Variants in LMF1 observed in about 807,000 individuals in gnomAD.
LMF1 encodes the protein lipase maturation factor 1.
A neutral mutation model predicts 60.6 loss-of-function variants in LMF1; 68 were observed. The observed-to-expected ratio is 1.12, with a 90% CI of 0.92 to 1.37. The LOEUF (loss-of-function observed/expected upper bound fraction) is 1.37. Among genes scored for constraint, LMF1 ranks in the 40% most tolerant of loss-of-function variants. The pLI, the probability that LMF1 is intolerant of heterozygous loss-of-function variation, is 0.00. For missense variants in LMF1, 948 were observed against 767.2 expected, an observed-to-expected ratio of 1.24 and a Z score of -2.78; for synonymous variants, 418 against 324.7, an observed-to-expected ratio of 1.29 and a Z score of -3.09.
At chr16:914,690 T>C (rs1223844479) in intron 3 of LMF1, among the ~76,000 whole-genome samples, 1 of 7,768 alleles carries the variant, frequency 1.3e-4, no homozygotes. Flanking sequence ...CCATGACCAT[T>C]GGTGACACAC....
chr16:945,136 AG>A (rs2072205415), intron 2 of LMF1, among the ~76,000 whole-genome samples: 1 of 143,340 alleles, frequency 7.0e-6, no homozygotes, highest in Non-Finnish European at 1.5e-5. Context: ...GCTTCAACCC[AG>A]GAAGTGGAGG....
At chr16:959,588 G>C (rs892958892) in intron 1 of LMF1, among the ~76,000 whole-genome samples, 15 of 152,240 alleles carry the variant, frequency 9.9e-5, no homozygotes, top group African/African-American at 3.1e-4. Context: ...CCACACGCAC[G>C]GATGTGAAAC....
chr16:904,491 C>CTGTGGGGA (rs1479812692), intron 4 of LMF1, among the ~76,000 whole-genome samples: 18 of 80,186 alleles, frequency 2.2e-4, no homozygotes, highest in African/African-American at 7.9e-4. Flanking sequence ...TCTGCACCGC[C>CTGTGGGGA]CACAGGACGC....
At chr16:960,050 G>C (rs1308498136) in intron 1 of LMF1, among the ~76,000 whole-genome samples, 1 of 152,222 alleles carries the variant, frequency 6.6e-6, no homozygotes, top group Non-Finnish European at 1.5e-5. Context: ...CCCAGGAAGA[G>C]GGCCAGCAGC....
intron 10 of LMF1, among the ~76,000 whole-genome samples, chr16:859,116 C>T (rs535797439): frequency 9.5e-5 from 12 of 126,488 alleles, no homozygotes; most frequent in South Asian, 5.5e-4. Flanking sequence ...AGTGATGTCT[C>T]GGGACGGGTG....
intron 1 of LMF1, among the ~76,000 whole-genome samples, chr16:969,264 G>A (rs1208523989): frequency 1.3e-5 from 2 of 152,098 alleles, no homozygotes; most frequent in African/African-American, 2.4e-5. Flanking sequence ...GCAGTGGGCC[G>A]ACATGGTGCC....
Position 955,096 on chromosome 16 carries a change from G to A in LMF1, c.194-430C>T, listed in dbSNP as rs564934060. Among the ~76,000 whole-genome samples, 10 of 149,086 alleles carry A rather than the reference G, an allele frequency of 6.7e-5. 1 individual carries two copies. In the South Asian group the frequency reaches 1.9e-3, roughly 29 times the overall value. On this transcript the variant is annotated intron_variant, in intron 1 of 10. Coordinates refer to ENST00000262301, the MANE Select transcript of LMF1 (RefSeq NM_022773.4). ...AAAATGCGTGCCCGCAGCAGACGCG[G>A]TGTGTGCACACACACACACACATCT...
At chr16:888,856 G>A (rs539309505) in intron 5 of LMF1, among the ~76,000 whole-genome samples, 1 of 152,338 alleles carries the variant, frequency 6.6e-6, no homozygotes, top group South Asian at 2.1e-4. Flanking sequence ...GTGGGCAGCA[G>A]GGCCAGCCAG....
chr16:917,338 A>C (rs76560607), intron 3 of LMF1, among the ~76,000 whole-genome samples: 1 of 75,804 alleles, frequency 1.3e-5, no homozygotes, highest in Non-Finnish European at 2.4e-5. Context: ...ACATGTGTGC[A>C]CTGCGGGTGG....
chr16:879,669 C>G lies in LMF1; in HGVS notation c.798G>C (p.Glu266Asp), dbSNP rs1441111300. The G allele has an allele frequency of 6.2e-7, 1 of 1,611,218 alleles. No individual in the cohort carries two copies. The highest frequency in any genetic ancestry group is 8.5e-7 in the Non-Finnish European group (1 of 1,178,952). Residue 266 changes from glutamate (E) to aspartate (D), a missense_variant, in exon 6 of 11, where the codon GAG becomes GAC. Physicochemically the swap from Glu to Asp is conservative, Grantham distance 45. Coordinates refer to ENST00000262301, the MANE Select transcript of LMF1 (RefSeq NM_022773.4). ...GCTCGATGAAGTGGTTGCTGAGCGT[C>G]TCGAAGCGATGGAACCACCAGGGTG... ...HHSPWWFHRF[E>D]TLSNHFIELL...
intron 2 of LMF1, among the ~76,000 whole-genome samples, chr16:952,970 C>CACT (rs2072526118): frequency 3.8e-5 from 2 of 53,118 alleles, no homozygotes; most frequent in Non-Finnish European, 6.4e-5. Flanking sequence ...CACAGACACC[C>CACT]CAAACCAGCC....
chr16:912,439 C>G (rs1477411644), intron 3 of LMF1, among the ~76,000 whole-genome samples: 1 of 152,226 alleles, frequency 6.6e-6, no homozygotes, highest in African/African-American at 2.4e-5. Context: ...CGTGAAGAGG[C>G]TGCTACAGCA....
intron 2 of LMF1, 170 bp from the exon 3 acceptor site, chr16:934,424 C>A: frequency 1.4e-6 from 1 of 728,868 alleles, no homozygotes; most frequent in Admixed American, 2.3e-5. Flanking sequence ...GAGCCCCTCC[C>A]CACGGCTCAC....
rs757412243 is a variant in LMF1 at position 869,011 on chromosome 16, G to A, written c.1462C>T (p.Leu488=). 11 of 1,612,586 alleles carry A rather than the reference G, an allele frequency of 6.8e-6. No individual in the cohort carries two copies. The highest frequency in any genetic ancestry group is 1.6e-4 in the Middle Eastern group (1 of 6,066). Residue 488 remains leucine, a synonymous_variant, in exon 10 of 11, where the codon CTG becomes TTG. Coordinates refer to ENST00000262301, the MANE Select transcript of LMF1 (RefSeq NM_022773.4). ...GACAAGGCCTCGGCGTCGCTGGCCA[G>A]GAGCTTGCCAGCCAGGTGGATGATC... ...DWIIHLAGKL[L]ASDAEALSLL...
At chr16:866,522 C>T (rs747002831) in intron 10 of LMF1, among the ~76,000 whole-genome samples, 2 of 152,034 alleles carry the variant, frequency 1.3e-5, no homozygotes, top group Non-Finnish European at 1.5e-5. Context: ...CCAGGCTCCT[C>T]GTGTGGTCTC....
chr16:897,989 G>A lies in LMF1; in HGVS notation c.664-4917C>T, dbSNP rs2070710444. 6.6e-6 allele frequency among the ~76,000 whole-genome samples: 1 copy of A among 152,220 alleles called. No individual in the cohort carries two copies. The highest frequency in any genetic ancestry group is 1.5e-5 in the Non-Finnish European group (1 of 68,044). The stretch of plus-strand genomic sequence containing the variant: ...GGCAGGCATCCTCTGCGTGGTGGGC[G>A]CCTTCTGCGTGGCGGGCGTCCTCTG... On this transcript the variant is annotated intron_variant, in intron 4 of 10. Transcript: ENST00000262301. This position sits in a 1 kb window ranked among gnomAD's most constrained non-coding sequence, Gnocchi z 4.3.
chr16:910,720 C>T (rs2071085172), intron 4 of LMF1, among the ~76,000 whole-genome samples: 1 of 152,164 alleles, frequency 6.6e-6, no homozygotes, highest in African/African-American at 2.4e-5. Context: ...AAACAGGGAT[C>T]ATGAGCATGC....
rs2069909047 is a variant in LMF1 at position 874,439 on chromosome 16, T to C, written c.898-3098A>G. On this transcript the variant is annotated intron_variant, in intron 6 of 10. Coordinates refer to ENST00000262301, the MANE Select transcript of LMF1 (RefSeq NM_022773.4). The surrounding 1 kb of genome is among the most constrained non-coding windows in gnomAD (Gnocchi z 4.1). ...AGCTCACCCCCTGCCCCTCCCGCCC[T>C]GGCAGTCCGGGGCTGCGTCTCCCTG... Among the ~76,000 whole-genome samples the C allele has an allele frequency of 6.6e-6, 1 of 152,116 alleles. No homozygotes were observed. The highest frequency in any genetic ancestry group is 1.5e-5 in the Non-Finnish European group (1 of 68,010).
chr16:974,009 CAA>C (rs34433197), upstream of LMF1, among the ~76,000 whole-genome samples: 217 of 85,794 alleles, frequency 2.5e-3, no homozygotes, highest in African/African-American at 7.7e-3. Context: ...GACTCTGTCT[CAA>C]AAAAAAAAAA....
Sources: allele counts gnomAD v4.1 joint callset (sites outside exome capture counted in the v4.1 genomes callset), GRCh38; gene constraint gnomAD v4.1.1; non-coding constraint Gnocchi (gnomAD v3.1); transcripts MANE v1.5; gene names NCBI Gene and HGNC (gene_info 2026-07-23, HGNC 2026-07-21).